The following DLEU7 variants were observed in gnomAD, a reference collection of about 807,000 sequenced individuals.
DLEU7 encodes leukemia-associated protein 7.
A neutral mutation model predicts 16.0 loss-of-function variants in DLEU7; 17 were observed. The ratio of observed to expected loss-of-function variants is 1.06; its 90% CI spans 0.73 to 1.59. DLEU7 has a LOEUF of 1.59. DLEU7 is among the 40% of genes most tolerant of loss of function. The pLI, the probability that DLEU7 is intolerant of heterozygous loss-of-function variation, is 0.00. For synonymous variants in DLEU7, 113 were observed against 139.8 expected (o/e 0.81, Z 1.35); for missense variants, 308 against 314.9 (o/e 0.98, Z 0.17).
At chr13:50,832,619 G>C (rs1034656353) in intron 1 of DLEU7, among the ~76,000 whole-genome samples, 1 of 152,142 alleles carries the variant, frequency 6.6e-6, no homozygotes, top group Non-Finnish European at 1.5e-5. Flanking sequence ...TGGGCATTTA[G>C]TGCTATAAAT....
At chr13:50,763,884 G>A (rs1305034821) in intron 1 of DLEU7, among the ~76,000 whole-genome samples, 1 of 152,198 alleles carries the variant, frequency 6.6e-6, no homozygotes, top group Non-Finnish European at 1.5e-5. Context: ...GATTGCTGTG[G>A]GGACTAAGTG....
At chr13:50,815,851 T>C (rs1454456929) in intron 1 of DLEU7, among the ~76,000 whole-genome samples, 2 of 152,164 alleles carry the variant, frequency 1.3e-5, no homozygotes, top group Admixed American at 1.3e-4. Flanking sequence ...CTTCTGATAC[T>C]ACTAACCAAC....
chr13:50,809,107 C>T (rs993532600), intron 1 of DLEU7, among the ~76,000 whole-genome samples: 2 of 152,132 alleles, frequency 1.3e-5, no homozygotes, highest in Non-Finnish European at 2.9e-5. Context: ...ATGATAATAG[C>T]AACTTGGTGG....
chr13:50,839,071 T>C (rs1417792135), intron 1 of DLEU7, among the ~76,000 whole-genome samples: 1 of 152,242 alleles, frequency 6.6e-6, no homozygotes, highest in Non-Finnish European at 1.5e-5. Flanking sequence ...ACGATGTGAC[T>C]GTTGTAGTCC....
At chr13:50,807,340 A>G (rs1347134636) in intron 1 of DLEU7, among the ~76,000 whole-genome samples, 5 of 152,048 alleles carry the variant, frequency 3.3e-5, no homozygotes. Flanking sequence ...GCATTTAAAA[A>G]TCTCTTAAAG....
chr13:50,741,131 A>G (rs969520006), intron 1 of DLEU7, among the ~76,000 whole-genome samples: 1 of 152,184 alleles, frequency 6.6e-6, no homozygotes, highest in African/African-American at 2.4e-5. Context: ...ATTAGGAACA[A>G]TGCTCCAAAC....
In DLEU7 at chr13:50,814,682, C is replaced by A. The variant is rs1208266958; in HGVS notation, c.459+28506G>T. ...AATCTATACACTACATAGAACTACACACACACACACACACACACACACACT... is the reference window on the plus strand; with the variant it reads ...AATCTATACACTACATAGAACTACAAACACACACACACACACACACACACT... On this transcript the variant is annotated intron_variant, in intron 1 of 1. Coordinates refer to the DLEU7 transcript ENST00000400393. Among the ~76,000 whole-genome samples the A allele has an allele frequency of 4.9e-4, 13 of 26,654 alleles. No homozygotes were observed. The East Asian group carries it at 6.2e-3, about 13-fold the overall frequency. The allele number at this position is 26,654 out of a possible 152,430, so 17.5% of individuals were successfully genotyped here. A position where few individuals can be genotyped will look rare whatever the true frequency, so the allele number is the denominator to read the frequency against.
chr13:50,816,588 A>C (rs1463749075), intron 1 of DLEU7, among the ~76,000 whole-genome samples: 1 of 152,148 alleles, frequency 6.6e-6, no homozygotes, highest in African/African-American at 2.4e-5. Context: ...GGCTGAGATA[A>C]GATTAAAGAA....
chr13:50,712,318 C>G (rs554323171), exon 2 of DLEU7: 14 of 152,284 alleles, frequency 9.2e-5, no homozygotes, highest in Admixed American at 2.0e-4. Context: ...GCCAATATCC[C>G]AATTCTGCGT....
intron 1 of DLEU7, among the ~76,000 whole-genome samples, chr13:50,751,595 T>A (rs189127419): frequency 6.6e-6 from 1 of 152,362 alleles, no homozygotes; most frequent in Non-Finnish European, 1.5e-5. Flanking sequence ...TTTAAATTAC[T>A]GTTTGAATCT....
intron 1 of DLEU7, among the ~76,000 whole-genome samples, chr13:50,759,077 G>C (rs1874849208): frequency 6.6e-6 from 1 of 152,218 alleles, no homozygotes; most frequent in African/African-American, 2.4e-5. Context: ...GAATTCCTTT[G>C]AAAATTCATT....
At chr13:50,793,643 G>A (rs992328023) in intron 1 of DLEU7, among the ~76,000 whole-genome samples, 1 of 152,102 alleles carries the variant, frequency 6.6e-6, no homozygotes, top group East Asian at 1.9e-4. Context: ...GCTGCTTGTA[G>A]GTCTTCTTTT....
At chr13:50,755,297 A>G (rs1874721159) in intron 1 of DLEU7, among the ~76,000 whole-genome samples, 1 of 152,198 alleles carries the variant, frequency 6.6e-6, no homozygotes, top group Non-Finnish European at 1.5e-5. Context: ...CCAAACTCTT[A>G]GATTTCTCTT....
chr13:50,804,174 C>T (rs914606315), intron 1 of DLEU7, among the ~76,000 whole-genome samples: 2 of 151,566 alleles, frequency 1.3e-5, no homozygotes, highest in African/African-American at 2.4e-5. Context: ...CTATTTTTTC[C>T]CCTGAATTTT....
exon 2 of DLEU7, chr13:50,713,100 C>A: frequency 1.6e-6 from 2 of 1,230,242 alleles, no homozygotes; most frequent in Non-Finnish European, 2.3e-6. Context: ...AGGCCAACAA[C>A]GTGGTAATAA....
chr13:50,790,860 A>G (rs994761143), intron 1 of DLEU7, among the ~76,000 whole-genome samples: 8 of 152,132 alleles, frequency 5.3e-5, no homozygotes, highest in African/African-American at 1.9e-4. Context: ...TGTGCTCTTT[A>G]GAAAAAAGTG....
At chr13:50,769,916 G>A (rs377163460) in intron 1 of DLEU7, among the ~76,000 whole-genome samples, 7 of 152,174 alleles carry the variant, frequency 4.6e-5, no homozygotes, top group Non-Finnish European at 1.0e-4. Flanking sequence ...TCCTATCCAT[G>A]AGCATGGAAT....
intron 1 of DLEU7, among the ~76,000 whole-genome samples, chr13:50,763,671 G>C (rs1036102040): frequency 6.6e-6 from 1 of 152,100 alleles, no homozygotes. Context: ...TGCCCTTCCT[G>C]CCCTGACCCT....
At chr13:50,835,096 G>A (rs1276150562) in intron 1 of DLEU7, among the ~76,000 whole-genome samples, 1 of 152,160 alleles carries the variant, frequency 6.6e-6, no homozygotes, top group East Asian at 1.9e-4. Context: ...TAATGTAGAT[G>A]ATGGGTTGAT....
Sources: allele counts gnomAD v4.1 joint callset (sites outside exome capture counted in the v4.1 genomes callset), GRCh38; gene constraint gnomAD v4.1.1; transcripts MANE v1.5; gene names NCBI Gene and HGNC (gene_info 2026-07-23, HGNC 2026-07-21).